TAB2: variants seen among roughly 807,000 people sequenced by gnomAD.
TAB2 encodes TGF-beta-activated kinase 1 and MAP3K7-binding protein 2.
TAB2 carries 3 observed loss-of-function variants against 65.0 expected under a neutral mutation model. The observed-to-expected ratio is 0.05, with a 90% CI of 0.02 to 0.12. The LOEUF (loss-of-function observed/expected upper bound fraction) is 0.12. Among genes scored for constraint, TAB2 ranks in the 10% least tolerant of loss-of-function variants. The pLI, the probability that TAB2 is intolerant of heterozygous loss-of-function variation, is 1.00. For missense variants in TAB2, 623 were observed against 840.3 expected (o/e 0.74, Z 3.20); for synonymous variants, 298 against 285.1 (o/e 1.05, Z -0.46).
At chr6:149,398,814 T>A in intron 5 of TAB2, among the ~76,000 whole-genome samples, 1 of 152,172 alleles carries the variant, frequency 6.6e-6, no homozygotes, top group East Asian at 1.9e-4. Flanking sequence ...TATTTTAACT[T>A]GCCACATAGA....
Position 149,386,455 on chromosome 6 carries a change from C to T in TAB2, c.1603+6937C>T, listed in dbSNP as rs866944052. ...AGCTATCACCTCCCTATCCCATTACCCCCCACCCTCACTCAGCACTAGGCA... is the reference window on the plus strand; with the variant it reads ...AGCTATCACCTCCCTATCCCATTACTCCCCACCCTCACTCAGCACTAGGCA... On this transcript the variant is annotated intron_variant, in intron 3 of 6. Transcript: ENST00000637181. Among the ~76,000 whole-genome samples the T allele has an allele frequency of 6.2e-4, 55 of 89,032 alleles. 1 individual carries two copies. The highest frequency in any genetic ancestry group is 2.1e-3 in the African/African-American group (52 of 25,134). 58.4% of individuals were successfully genotyped at this position (89,032 alleles called of 152,430 possible). A position where few individuals can be genotyped will look rare whatever the true frequency, so the allele number is the denominator to read the frequency against.
intron 1 of TAB2, among the ~76,000 whole-genome samples, chr6:149,353,005 G>C (rs1368775489): frequency 6.6e-6 from 1 of 152,024 alleles, no homozygotes; most frequent in African/African-American, 2.4e-5. Flanking sequence ...AACTTTGTTT[G>C]CTCTAAGATT....
chr6:149,280,701 G>A (rs551264212), intron 1 of TAB2, among the ~76,000 whole-genome samples: 5 of 152,222 alleles, frequency 3.3e-5, no homozygotes, highest in Admixed American at 2.0e-4. Flanking sequence ...AGCACTTTGG[G>A]AGGCCAAGGC....
Position 149,358,364 on chromosome 6 carries a change from G to A in TAB2, c.-89-11545G>A, listed in dbSNP as rs193039781. On this transcript the variant is annotated intron_variant, in intron 1 of 6. Transcript: ENST00000637181. ...GCAAGTTTGTCTTAAGTACTTATGT[G>A]AAATTTTCCACTCATGCTCGCATCC... Among the ~76,000 whole-genome samples the A allele has an allele frequency of 4.3e-3, 658 of 152,218 alleles. 9 individuals are homozygous for A. Among genetic ancestry groups the A allele is most frequent in the Admixed American group, 0.028 (434 of 15,282 alleles).
At chr6:149,393,380 C>T (rs1402557935) in intron 3 of TAB2, among the ~76,000 whole-genome samples, 3 of 152,096 alleles carry the variant, frequency 2.0e-5, no homozygotes, top group Admixed American at 6.5e-5. Flanking sequence ...AGAGGTAAGC[C>T]ACATCTTCAG....
intron 1 of TAB2, among the ~76,000 whole-genome samples, chr6:149,260,674 A>G (rs908976141): frequency 6.6e-6 from 1 of 152,174 alleles, no homozygotes; most frequent in Non-Finnish European, 1.5e-5. Context: ...AACGAAATCT[A>G]TGGGACGGGG....
intron 1 of TAB2, among the ~76,000 whole-genome samples, chr6:149,234,557 T>A (rs1450991255): frequency 1.3e-5 from 2 of 152,144 alleles, no homozygotes; most frequent in African/African-American, 4.8e-5. Context: ...AACCTCCCCA[T>A]TTCACAGTTG....
chr6:149,353,550 G>A (rs1286022461), intron 1 of TAB2, among the ~76,000 whole-genome samples: 1 of 152,098 alleles, frequency 6.6e-6, no homozygotes, highest in Non-Finnish European at 1.5e-5. Flanking sequence ...AAATCAAGCG[G>A]GGAACGACCC....
chr6:149,397,955 G>GA lies in TAB2; in HGVS notation c.1765-12dup. On this transcript the variant is annotated splice_polypyrimidine_tract_variant and intron_variant, in intron 4 of 6. Coordinates refer to ENST00000637181, the MANE Select transcript of TAB2 (RefSeq NM_001292034.3). ...ATTCAGTGCAAATCTTACTTACATA[G>GA]AATTATTTTTCAGCTTGAAGAAATG... 1 of 1,611,006 alleles carries GA rather than the reference G, an allele frequency of 6.2e-7. No individual in the cohort carries two copies. Among genetic ancestry groups the GA allele is most frequent in the East Asian group, 2.2e-5 (1 of 44,798 alleles).
chr6:149,315,656 C>T (rs913837326), upstream of TAB2, among the ~76,000 whole-genome samples: 1 of 152,090 alleles, frequency 6.6e-6, no homozygotes, highest in Non-Finnish European at 1.5e-5. Context: ...ATTTCGTTAC[C>T]ATGTCTTTAG....
At chr6:149,313,482 G>A (rs1779199659), upstream of TAB2, among the ~76,000 whole-genome samples, 1 of 152,050 alleles carries the variant, frequency 6.6e-6, no homozygotes, top group Admixed American at 6.6e-5. Context: ...CTCTCCTTTG[G>A]CAATCTCATG....
chr6:149,331,187 A>G (rs1333648281), intron 1 of TAB2, among the ~76,000 whole-genome samples: 1 of 152,130 alleles, frequency 6.6e-6, no homozygotes, highest in Non-Finnish European at 1.5e-5. Flanking sequence ...TCTTCAATCC[A>G]TGAACCTGGT....
chr6:149,403,514 A>G (rs367756644), intron 6 of TAB2, among the ~76,000 whole-genome samples: 105 of 151,736 alleles, frequency 6.9e-4, no homozygotes, highest in African/African-American at 8.0e-4. Flanking sequence ...CTTATTTTCA[A>G]CGTAGTACAG....
intron 1 of TAB2, among the ~76,000 whole-genome samples, chr6:149,286,449 A>G (rs541612969): frequency 9.9e-5 from 15 of 152,206 alleles, no homozygotes; most frequent in Non-Finnish European, 1.6e-4. Flanking sequence ...TCCCTTTAAA[A>G]TTAAAGCCAG....
At chr6:149,335,377 A>G (rs1779903691) in intron 1 of TAB2, among the ~76,000 whole-genome samples, 1 of 151,630 alleles carries the variant, frequency 6.6e-6, no homozygotes, top group Non-Finnish European at 1.5e-5. Context: ...ATTTACATAC[A>G]TATATTTGAG....
chr6:149,388,303 G>A (rs1781868112), intron 3 of TAB2, among the ~76,000 whole-genome samples: 1 of 152,140 alleles, frequency 6.6e-6, no homozygotes, highest in African/African-American at 2.4e-5. Context: ...CTCAACGCAT[G>A]TTACTCTGTA....
At chr6:149,339,606 T>TTA (rs1491162925) in intron 1 of TAB2, among the ~76,000 whole-genome samples, 1 of 41,532 alleles carries the variant, frequency 2.4e-5, no homozygotes. Flanking sequence ...TATTTATTTA[T>TTA]TTTTTTTTTT....
At chr6:149,259,732 G>A (rs1465669053) in intron 1 of TAB2, among the ~76,000 whole-genome samples, 1 of 152,066 alleles carries the variant, frequency 6.6e-6, no homozygotes, top group East Asian at 1.9e-4. Flanking sequence ...CTTCTCCATG[G>A]TGCTGAGAGG....
intron 6 of TAB2, among the ~76,000 whole-genome samples, chr6:149,404,598 A>G (rs1782600233): frequency 6.6e-6 from 1 of 152,236 alleles, no homozygotes; most frequent in Admixed American, 6.5e-5. Flanking sequence ...TGACCAATGG[A>G]ACAGAATAGA....
Sources: gnomAD v4.1 joint callset for allele counts (sites outside exome capture counted in the v4.1 genomes callset) on GRCh38, gnomAD v4.1.1 for gene constraint, MANE v1.5 for transcripts, NCBI Gene and HGNC (gene_info 2026-07-23, HGNC 2026-07-21) for gene names.